Variants in YES1 observed in about 807,000 individuals in gnomAD.
The protein encoded by YES1 is tyrosine-protein kinase Yes.
Under a neutral mutation model 70.4 loss-of-function variants are expected in YES1, and 39 were observed. The ratio of observed to expected loss-of-function variants is 0.55; its 90% CI spans 0.43 to 0.72. The LOEUF (loss-of-function observed/expected upper bound fraction) is 0.72, where lower values mean the gene tolerates loss of function less well. Among genes scored for constraint, YES1 ranks in the 30% least tolerant of loss-of-function variants. The probability of loss-of-function intolerance (pLI) is 0.00; values close to 1 mark genes in which losing one functional copy is unlikely to be tolerated. For missense variants in YES1, 495 were observed against 644.8 expected, an observed-to-expected ratio of 0.77 and a Z score of 2.52; for synonymous variants, 198 against 218.6, an observed-to-expected ratio of 0.91 and a Z score of 0.83.
At chr18:802,172 C>T (rs1906857591) in intron 1 of YES1, among the ~76,000 whole-genome samples, 1 of 152,100 alleles carries the variant, frequency 6.6e-6, no homozygotes. Flanking sequence ...TTACTTGTGC[C>T]GAGGAGTTCG....
At chr18:756,260 T>A (rs532996047) in intron 2 of YES1, among the ~76,000 whole-genome samples, 1 of 145,256 alleles carries the variant, frequency 6.9e-6, no homozygotes, top group African/African-American at 2.6e-5. Context: ...GTTTTTAATC[T>A]TTATGTTCCC....
Position 724,480 on chromosome 18 carries a change from A to C in YES1, c.1576T>G (p.Leu526Val). The C allele has an allele frequency of 6.2e-7, 1 of 1,614,182 alleles. No homozygotes were observed. Among genetic ancestry groups the C allele is most frequent in the Non-Finnish European group, 8.5e-7 (1 of 1,180,020 alleles). Reference protein sequence around the residue: ...RPTFEYIQSFLEDYFTATEPQ... With the variant: ...RPTFEYIQSFVEDYFTATEPQ... ...TCTGTAGCAGTGAAGTAGTCTTCCA[A>C]GAAGGACTGAATATATTCAAATGTT... Residue 526 changes from leucine (L) to valine (V), a missense_variant, in exon 12 of 12, where the codon TTG (leucine) becomes GTG (valine). Around this residue, in one of 2 missense-constraint regions of YES1, gnomAD observed 385 missense variants for 540.9 expected, o/e 0.71. Coordinates refer to ENST00000314574, the MANE Select transcript of YES1 (RefSeq NM_005433.4).
intron 1 of YES1, among the ~76,000 whole-genome samples, chr18:769,487 T>C (rs1157859159): frequency 2.6e-5 from 4 of 152,220 alleles, no homozygotes; most frequent in South Asian, 2.1e-4. Context: ...AGAATATCTA[T>C]GCCTTGGTTC....
rs2080106702 is a variant in YES1, at chr18:732,696, G to A, written c.1423+138C>T. Reference sequence around the variant, plus strand: ...TTACCCATCCAATGCCACAGTAAAGGGAAGGAGTGGGGAGAGGGAGAGGCA... The same window carrying A: ...TTACCCATCCAATGCCACAGTAAAGAGAAGGAGTGGGGAGAGGGAGAGGCA... On this transcript the variant is annotated intron_variant, in intron 11 of 11. Transcript: ENST00000314574. 3 of 1,146,306 alleles carry A rather than the reference G, an allele frequency of 2.6e-6. No individual in the cohort carries two copies. In the South Asian group the frequency reaches 4.2e-5, roughly 16 times the overall value. 71.0% of individuals were successfully genotyped at this position (1,146,306 alleles called of 1,614,324 possible). A position where few individuals can be genotyped will look rare whatever the true frequency, so the allele number is the denominator to read the frequency against.
chr18:766,153 G>A (rs775963265), intron 1 of YES1, among the ~76,000 whole-genome samples: 1 of 152,094 alleles, frequency 6.6e-6, no homozygotes, highest in Non-Finnish European at 1.5e-5. Flanking sequence ...TCCTTCAGGG[G>A]AGGCTCAGTG....
intron 1 of YES1, among the ~76,000 whole-genome samples, chr18:772,970 C>T (rs1418328635): frequency 1.3e-5 from 2 of 152,078 alleles, no homozygotes; most frequent in African/African-American, 2.4e-5. Flanking sequence ...ACCTGCTGAC[C>T]AGTTATGGTT....
At chr18:755,744 T>TA (rs1316356448) in intron 2 of YES1, among the ~76,000 whole-genome samples, 1 of 152,140 alleles carries the variant, frequency 6.6e-6, no homozygotes, top group Non-Finnish European at 1.5e-5. Flanking sequence ...AGAATAGAGA[T>TA]AAAGAAATCT....
At chr18:789,816 T>G (rs186992016) in intron 1 of YES1, among the ~76,000 whole-genome samples, 82 of 152,076 alleles carry the variant, frequency 5.4e-4, no homozygotes, top group Non-Finnish European at 1.0e-3. Flanking sequence ...TCCCAGCACT[T>G]TGGGAGGCTG....
intron 4 of YES1, among the ~76,000 whole-genome samples, chr18:747,209 C>G (rs2080290606): frequency 6.6e-6 from 1 of 152,214 alleles, no homozygotes; most frequent in Admixed American, 6.5e-5. Flanking sequence ...ATGGCTCACG[C>G]CTGTGATCCT....
chr18:746,243 C>T (rs1449141450), intron 4 of YES1, among the ~76,000 whole-genome samples, 192 bp from the exon 5 acceptor site: 1 of 152,084 alleles, frequency 6.6e-6, no homozygotes, highest in East Asian at 1.9e-4. Context: ...TTAGAATATA[C>T]TCTTACAGTA....
intron 2 of YES1, among the ~76,000 whole-genome samples, chr18:754,522 G>A (rs751172198): frequency 1.2e-4 from 18 of 152,022 alleles, no homozygotes; most frequent in African/African-American, 3.1e-4. Context: ...CCTGGCCAAC[G>A]TGGTGAAACC....
intron 1 of YES1, among the ~76,000 whole-genome samples, chr18:789,966 G>A (rs1367380634): frequency 6.6e-6 from 1 of 152,214 alleles, no homozygotes; most frequent in Non-Finnish European, 1.5e-5. Context: ...GCTGAGGCAG[G>A]AGAACTGCTT....
At chr18:764,969 T>C (rs1003891683) in intron 1 of YES1, among the ~76,000 whole-genome samples, 5 of 150,808 alleles carry the variant, frequency 3.3e-5, no homozygotes, top group East Asian at 4.0e-4. Context: ...CTCCTGACCT[T>C]GTGATCCGTC....
At chr18:727,678 C>T (rs1166096746) in intron 11 of YES1, among the ~76,000 whole-genome samples, 1 of 152,180 alleles carries the variant, frequency 6.6e-6, no homozygotes, top group African/African-American at 2.4e-5. Flanking sequence ...GTACTTTTAC[C>T]TGTTCCAAAC....
chr18:731,286 T>C (rs777396334), intron 11 of YES1, among the ~76,000 whole-genome samples: 35 of 152,120 alleles, frequency 2.3e-4, no homozygotes, highest in Non-Finnish European at 3.8e-4. Flanking sequence ...ACCAGGGTAA[T>C]AGAAGAATCA....
intron 1 of YES1, among the ~76,000 whole-genome samples, chr18:806,839 T>C (rs757806784): frequency 6.6e-6 from 1 of 152,248 alleles, no homozygotes; most frequent in South Asian, 2.1e-4. Flanking sequence ...CCTCTGGTTA[T>C]ACAAGTTTGA....
chr18:808,432 G>C (rs1006080330), intron 1 of YES1, among the ~76,000 whole-genome samples: 7 of 152,186 alleles, frequency 4.6e-5, no homozygotes, highest in African/African-American at 1.7e-4. Context: ...CCCTACCATA[G>C]CCATACACGA....
chr18:808,436 T>C (rs1171909362), intron 1 of YES1, among the ~76,000 whole-genome samples: 2 of 152,188 alleles, frequency 1.3e-5, no homozygotes, highest in South Asian at 2.1e-4. Context: ...ACCATAGCCA[T>C]ACACGAACTA....
At chr18:798,097 A>G (rs1184620701) in intron 1 of YES1, 1 of 152,152 alleles carries the variant, frequency 6.6e-6, no homozygotes, top group Non-Finnish European at 1.5e-5. Context: ...TCTGAGAACC[A>G]CCTTCATGAT....
Sources: gnomAD v4.1 joint callset for allele counts (sites outside exome capture counted in the v4.1 genomes callset) on GRCh38, gnomAD v4.1.1 for gene constraint, gnomAD v4.1.1 regional missense constraint, MANE v1.5 for transcripts, NCBI Gene and HGNC (gene_info 2026-07-23, HGNC 2026-07-21) for gene names.